The following CNTNAP2 variants were observed in gnomAD, a reference collection of about 807,000 sequenced individuals.
CNTNAP2 encodes contactin associated protein 2.
A neutral mutation model predicts 155.2 loss-of-function variants in CNTNAP2; 98 were observed. The observed-to-expected ratio is 0.63, with a 90% CI of 0.54 to 0.75. The LOEUF is 0.75. Ranked by LOEUF, CNTNAP2 falls within the 30% of genes least tolerant of loss-of-function variation. The pLI is 0.00. For synonymous variants in CNTNAP2, 651 were observed against 631.2 expected (o/e 1.03, Z -0.47); for missense variants, 1,727 against 1,688.1 (o/e 1.02, Z -0.40).
At chr7:147,559,250 C>A (rs946329643) in intron 11 of CNTNAP2, among the ~76,000 whole-genome samples, 3 of 152,134 alleles carry the variant, frequency 2.0e-5, no homozygotes, top group African/African-American at 7.2e-5. Context: ...AAAGGCCACA[C>A]CAGAAAGGGT....
At chr7:148,139,374 C>T (rs1415812060) in intron 16 of CNTNAP2, among the ~76,000 whole-genome samples, 1 of 152,128 alleles carries the variant, frequency 6.6e-6, no homozygotes, top group African/African-American at 2.4e-5. Flanking sequence ...ACAGGCAATA[C>T]AGTAGTTAGG....
At chr7:147,341,818 C>A (rs1236079002) in intron 9 of CNTNAP2, among the ~76,000 whole-genome samples, 1 of 150,418 alleles carries the variant, frequency 6.6e-6, no homozygotes. Context: ...TACAACACAT[C>A]TAAATATAAG....
intron 1 of CNTNAP2, among the ~76,000 whole-genome samples, chr7:146,752,569 G>A (rs987429777): frequency 6.6e-6 from 1 of 152,102 alleles, no homozygotes; most frequent in Non-Finnish European, 1.5e-5. Flanking sequence ...TCTATAGGTT[G>A]CTGATTCACT....
chr7:146,256,973 G>A (rs1418106134), intron 1 of CNTNAP2, among the ~76,000 whole-genome samples: 4 of 152,118 alleles, frequency 2.6e-5, no homozygotes, highest in Admixed American at 6.6e-5. Flanking sequence ...TTTAATAACC[G>A]GAAAACAATT....
At chr7:146,401,939 A>T (rs981529119) in intron 1 of CNTNAP2, among the ~76,000 whole-genome samples, 4 of 152,212 alleles carry the variant, frequency 2.6e-5, no homozygotes, top group Non-Finnish European at 5.9e-5. Context: ...TATTTAAGAA[A>T]TATATTTCTC....
At chr7:148,084,132 G>A (rs897838067) in intron 15 of CNTNAP2, among the ~76,000 whole-genome samples, 1 of 152,204 alleles carries the variant, frequency 6.6e-6, no homozygotes, top group African/African-American at 2.4e-5. Context: ...TTAAAGCAGA[G>A]TTTGTTAATA....
chr7:148,009,534 T>A (rs983117745), intron 15 of CNTNAP2, among the ~76,000 whole-genome samples: 1 of 152,160 alleles, frequency 6.6e-6, no homozygotes, highest in Non-Finnish European at 1.5e-5. Flanking sequence ...TAACTAAAAT[T>A]TGAACCATGT....
At chr7:147,669,360 C>T (rs942662306) in intron 13 of CNTNAP2, among the ~76,000 whole-genome samples, 34 of 152,178 alleles carry the variant, frequency 2.2e-4, no homozygotes, top group Non-Finnish European at 1.5e-5. Flanking sequence ...ATCTATATTA[C>T]TATGTTAAAA....
intron 11 of CNTNAP2, among the ~76,000 whole-genome samples, chr7:147,520,073 T>C (rs1799206336): frequency 1.3e-5 from 2 of 152,114 alleles, no homozygotes; most frequent in Admixed American, 6.5e-5. Flanking sequence ...CCAAAAATAA[T>C]CTTTTAGAAA....
intron 1 of CNTNAP2, among the ~76,000 whole-genome samples, chr7:146,444,761 G>A (rs886395851): frequency 6.6e-6 from 1 of 151,332 alleles, no homozygotes; most frequent in African/African-American, 2.4e-5. Context: ...AGGTTCAAGC[G>A]ATTCTCCTCC....
At chr7:148,280,883 G>A (rs1796963372) in intron 21 of CNTNAP2, among the ~76,000 whole-genome samples, 1 of 150,880 alleles carries the variant, frequency 6.6e-6, no homozygotes, top group South Asian at 2.1e-4. Context: ...CACACCACTG[G>A]ACTCCAGCCT....
Position 148,366,941 on chromosome 7 carries a change from A to C in CNTNAP2, c.3476-16708A>C, listed in dbSNP as rs947126946. 2.6e-5 allele frequency among the ~76,000 whole-genome samples: 4 copies of C among 152,348 alleles called. No individual in the cohort carries two copies. In the East Asian group the frequency reaches 7.7e-4, roughly 29 times the overall value. On this transcript the variant is annotated intron_variant, in intron 21 of 23. Transcript: ENST00000361727. ...CAGCCAAGCTTCAAGCCATTAAGAA[A>C]AACCATCACAGCTGTGCGCGGTGGC...
At chr7:147,278,713 CGTG>C (rs893281569) in intron 8 of CNTNAP2, among the ~76,000 whole-genome samples, 21 of 151,242 alleles carry the variant, frequency 1.4e-4, no homozygotes, top group African/African-American at 2.2e-4. Context: ...TAAATAAAAG[CGTG>C]ATAATTGTCT....
At chr7:147,368,096 TCA>T (rs5888250) in intron 9 of CNTNAP2, among the ~76,000 whole-genome samples, 33,119 of 116,532 alleles carry the variant, frequency 0.28, 4,615 homozygotes, top group Middle Eastern at 0.37. Context: ...TCTCTCTCTG[TCA>T]CACACACACA....
chr7:146,435,519 C>T (rs945251511), intron 1 of CNTNAP2, among the ~76,000 whole-genome samples: 20 of 152,094 alleles, frequency 1.3e-4, no homozygotes, highest in Non-Finnish European at 1.5e-5. Flanking sequence ...ATTTTACATC[C>T]GTTAGTTATT....
At chr7:147,554,893 C>T (rs1442407425) in intron 11 of CNTNAP2, among the ~76,000 whole-genome samples, 1 of 151,586 alleles carries the variant, frequency 6.6e-6, no homozygotes, top group Admixed American at 6.6e-5. Flanking sequence ...GGTTAATATT[C>T]AAGTGTTAAT....
At chr7:147,050,206 T>C (rs1184597736) in intron 4 of CNTNAP2, among the ~76,000 whole-genome samples, 1 of 152,194 alleles carries the variant, frequency 6.6e-6, no homozygotes, top group Non-Finnish European at 1.5e-5. Flanking sequence ...TCTTACGCGA[T>C]ACCAGTGGGA....
At chr7:148,286,076 A>G (rs1362180860) in intron 21 of CNTNAP2, among the ~76,000 whole-genome samples, 2 of 152,234 alleles carry the variant, frequency 1.3e-5, no homozygotes, top group African/African-American at 4.8e-5. Flanking sequence ...TGGAAGTGGA[A>G]CATCATAAAG....
rs575700631 is a variant in CNTNAP2 at position 147,143,142 on chromosome 7, T to C, written c.1348+10633T>C. 1.4e-4 allele frequency among the ~76,000 whole-genome samples: 21 copies of C among 152,310 alleles called. No homozygotes were observed. In the South Asian group the frequency reaches 4.1e-3, roughly 30 times the overall value. On this transcript the variant is annotated intron_variant, in intron 8 of 23. Coordinates refer to ENST00000361727, the MANE Select transcript of CNTNAP2 (RefSeq NM_014141.6). ...AATCAATACTTTCATCTTTGCTTTT[T>C]TGGTTTGATTCACACCTAGACTGTT...
Sources: allele counts gnomAD v4.1 joint callset (sites outside exome capture counted in the v4.1 genomes callset), GRCh38; gene constraint gnomAD v4.1.1; transcripts MANE v1.5; gene names NCBI Gene and HGNC (gene_info 2026-07-23, HGNC 2026-07-21).